ARHGAP18: variants seen among roughly 807,000 people sequenced by gnomAD.
The protein encoded by ARHGAP18 is rho GTPase-activating protein 18.
In ARHGAP18, 67 loss-of-function variants were observed where a neutral mutation model predicts 86.2. That is an observed-to-expected ratio of 0.78 (90% CI 0.64 to 0.95). The LOEUF is 0.95. Ranked by LOEUF, ARHGAP18 falls within the 40% of genes least tolerant of loss-of-function variation. The pLI is 0.00. For missense variants in ARHGAP18, 691 were observed against 780.4 expected (o/e 0.89, Z 1.37); for synonymous variants, 283 against 280.4 (o/e 1.01, Z -0.09).
chr6:129,687,936 C>T (rs374274023), intron 1 of ARHGAP18, among the ~76,000 whole-genome samples: 6 of 151,932 alleles, frequency 3.9e-5, no homozygotes, highest in South Asian at 2.1e-4. Context: ...CATGCCATCT[C>T]GTCATCGAGA....
At chr6:129,650,492 T>G (rs1486633099) in intron 1 of ARHGAP18, among the ~76,000 whole-genome samples, 1 of 152,188 alleles carries the variant, frequency 6.6e-6, no homozygotes, top group East Asian at 1.9e-4. Flanking sequence ...TTCCTGAGCT[T>G]GCCAAATCTC....
chr6:129,638,575 C>G lies in ARHGAP18; in HGVS notation c.371G>C (p.Gly124Ala), dbSNP rs1773382739. 1 of 1,614,074 alleles carries G rather than the reference C, an allele frequency of 6.2e-7. No homozygotes were observed. The highest frequency in any genetic ancestry group is 8.5e-7 in the Non-Finnish European group (1 of 1,180,052). The change falls in exon 3 of 15, where the codon GGA becomes GCA. Residue 124 changes from glycine (G) to alanine (A), a missense_variant. Gly to Ala is a moderately conservative substitution (Grantham distance 60). Coordinates refer to ENST00000368149, the MANE Select transcript of ARHGAP18 (RefSeq NM_033515.3). ...LKEAGLSNLF[G>A]ESAGDPQESI... ...TTCCTGTGGATCTCCAGCAGACTCTCCGAAGAGATTGGATAAACCGGCCTC... is the reference window on the plus strand; with the variant it reads ...TTCCTGTGGATCTCCAGCAGACTCTGCGAAGAGATTGGATAAACCGGCCTC...
chr6:129,700,918 C>A (rs1434092604), intron 1 of ARHGAP18, among the ~76,000 whole-genome samples: 1 of 151,656 alleles, frequency 6.6e-6, no homozygotes, highest in African/African-American at 2.4e-5. Flanking sequence ...TACACTCATT[C>A]ATTCATTCAA....
At chr6:129,593,055 T>C (rs1463885732) in intron 12 of ARHGAP18, among the ~76,000 whole-genome samples, 1 of 152,068 alleles carries the variant, frequency 6.6e-6, no homozygotes, top group East Asian at 1.9e-4. Context: ...GAAGAGGGAA[T>C]TACCCTTCCA....
chr6:129,664,730 C>G (rs190505348), intron 1 of ARHGAP18, among the ~76,000 whole-genome samples: 1 of 152,174 alleles, frequency 6.6e-6, no homozygotes, highest in East Asian at 1.9e-4. Flanking sequence ...CAAAACAGTC[C>G]GTGGTCTGAT....
intron 1 of ARHGAP18, among the ~76,000 whole-genome samples, chr6:129,709,163 A>G (rs933460923): frequency 1.3e-5 from 2 of 152,194 alleles, no homozygotes; most frequent in African/African-American, 4.8e-5. Flanking sequence ...CCGATAACTA[A>G]TTTAGTGTTC....
chr6:129,635,020 C>G (rs1252475638), intron 3 of ARHGAP18, among the ~76,000 whole-genome samples: 1 of 152,118 alleles, frequency 6.6e-6, no homozygotes, highest in African/African-American at 2.4e-5. Flanking sequence ...ACGGGGCCTT[C>G]CAAAGGTTTA....
chr6:129,651,699 G>A (rs990127223), intron 1 of ARHGAP18, among the ~76,000 whole-genome samples: 2 of 152,088 alleles, frequency 1.3e-5, no homozygotes, highest in Non-Finnish European at 2.9e-5. Context: ...TCTTCAGTAA[G>A]AATTTCATCT....
chr6:129,613,779 T>C (rs1284171278), intron 7 of ARHGAP18, among the ~76,000 whole-genome samples: 1 of 152,180 alleles, frequency 6.6e-6, no homozygotes, highest in East Asian at 1.9e-4. Context: ...TAGCATTCCT[T>C]TTATTATCAG....
At chr6:129,640,882 T>C (rs1374182468) in intron 2 of ARHGAP18, among the ~76,000 whole-genome samples, 1 of 152,094 alleles carries the variant, frequency 6.6e-6, no homozygotes, top group African/African-American at 2.4e-5. Context: ...GACAAGAGAA[T>C]TGGACATGAA....
intron 5 of ARHGAP18, 40 bp downstream of exon 5, chr6:129,629,313 A>G (rs1773135944): frequency 4.5e-6 from 7 of 1,557,994 alleles, no homozygotes; most frequent in East Asian, 4.5e-5. Flanking sequence ...ATATATGTAT[A>G]TGTACATATA....
chr6:129,688,936 T>G (rs1173361978), intron 1 of ARHGAP18, among the ~76,000 whole-genome samples: 1 of 152,202 alleles, frequency 6.6e-6, no homozygotes, highest in Non-Finnish European at 1.5e-5. Context: ...TATTGTCTAA[T>G]ATAAAAACTT....
At chr6:129,674,671 G>T (rs1470163656) in intron 1 of ARHGAP18, among the ~76,000 whole-genome samples, 5 of 152,180 alleles carry the variant, frequency 3.3e-5, no homozygotes, top group Non-Finnish European at 7.4e-5. Flanking sequence ...CTATACAGGA[G>T]GATGTGCATA....
intron 13 of ARHGAP18, among the ~76,000 whole-genome samples, chr6:129,581,880 G>T (rs1411224574): frequency 6.6e-6 from 1 of 151,992 alleles, no homozygotes; most frequent in Non-Finnish European, 1.5e-5. Flanking sequence ...CTTACTATGC[G>T]GCCCAGACAG....
intron 7 of ARHGAP18, among the ~76,000 whole-genome samples, chr6:129,613,655 G>C (rs1026153535): frequency 6.6e-6 from 1 of 152,124 alleles, no homozygotes; most frequent in African/African-American, 2.4e-5. Context: ...GCACCCAATA[G>C]AGTTACGTAC....
At chr6:129,632,012 T>C (rs1311823357) in intron 4 of ARHGAP18, among the ~76,000 whole-genome samples, 7 of 152,342 alleles carry the variant, frequency 4.6e-5, no homozygotes, top group South Asian at 2.1e-4. Context: ...ATAAGTATCA[T>C]TGGCGGAACA....
chr6:129,600,863 A>T lies in ARHGAP18; in HGVS notation c.1366-15T>A, dbSNP rs1490978386. 2.3e-5 allele frequency: 36 copies of T among 1,591,258 alleles called. No homozygotes were observed. Among genetic ancestry groups the T allele is most frequent in the Non-Finnish European group, 2.9e-5 (34 of 1,163,076 alleles). ...TCAAGAAGGGCCTGAAACAGAAATGACTCTTTGAGATTTGTGTCATATATG... is the reference window on the plus strand; with the variant it reads ...TCAAGAAGGGCCTGAAACAGAAATGTCTCTTTGAGATTTGTGTCATATATG... On this transcript the variant is annotated splice_polypyrimidine_tract_variant and intron_variant, in intron 10 of 14. Coordinates refer to ENST00000368149, the MANE Select transcript of ARHGAP18 (RefSeq NM_033515.3).
intron 1 of ARHGAP18, among the ~76,000 whole-genome samples, chr6:129,699,435 G>C (rs1774676002): frequency 6.6e-6 from 1 of 152,106 alleles, no homozygotes; most frequent in African/African-American, 2.4e-5. Context: ...AGTCTGGAGA[G>C]GCAACAAAGA....
intron 1 of ARHGAP18, among the ~76,000 whole-genome samples, chr6:129,658,917 T>TA (rs1773894654): frequency 6.6e-6 from 1 of 152,188 alleles, no homozygotes; most frequent in African/African-American, 2.4e-5. Flanking sequence ...AATAAATTGA[T>TA]ATTTTAGAAC....
Sources: gnomAD v4.1 joint callset for allele counts (sites outside exome capture counted in the v4.1 genomes callset) on GRCh38, gnomAD v4.1.1 for gene constraint, MANE v1.5 for transcripts, NCBI Gene and HGNC (gene_info 2026-07-23, HGNC 2026-07-21) for gene names.